The following MYO1H variants were observed in gnomAD, a reference collection of about 807,000 sequenced individuals.
MYO1H encodes unconventional myosin-Ih.
MYO1H carries 118 observed loss-of-function variants against 149.3 expected under a neutral mutation model. The observed-to-expected ratio is 0.79, with a 90% CI of 0.68 to 0.92. The LOEUF (loss-of-function observed/expected upper bound fraction) is 0.92, where lower values mean the gene tolerates loss of function less well. Among genes scored for constraint, MYO1H ranks in the 40% least tolerant of loss-of-function variants. The pLI, the probability that MYO1H is intolerant of heterozygous loss-of-function variation, is 0.00. For synonymous variants in MYO1H, 447 were observed against 465.2 expected, an observed-to-expected ratio of 0.96 and a Z score of 0.50; for missense variants, 1,212 against 1,280.7, an observed-to-expected ratio of 0.95 and a Z score of 0.82.
intron 15 of MYO1H, among the ~76,000 whole-genome samples, chr12:109,419,460 G>T (rs1871073370): frequency 6.6e-6 from 1 of 151,992 alleles, no homozygotes; most frequent in African/African-American, 2.4e-5. Context: ...ATTTGATTTT[G>T]GCTTTCTGTG....
intron 31 of MYO1H, 178 bp downstream of exon 31, chr12:109,445,790 C>G (rs1872455404): frequency 2.0e-6 from 2 of 985,280 alleles, no homozygotes; most frequent in Admixed American, 6.1e-5. Flanking sequence ...GAGATACACA[C>G]ATCTAAACAC....
At chr12:109,318,172 A>G in the MYO1H span, among the ~76,000 whole-genome samples, 1 of 152,242 alleles carries the variant, frequency 6.6e-6, no homozygotes, top group Admixed American at 6.5e-5. Context: ...CTGTGAGTAA[A>G]TGCTGATTAA....
chr12:109,411,750 C>G (rs1870684718), intron 13 of MYO1H, 144 bp from the exon 14 acceptor site: 7 of 548,676 alleles, frequency 1.3e-5, no homozygotes, highest in Non-Finnish European at 2.2e-5. Flanking sequence ...TTAAGCCCTT[C>G]TTCCCCCCAG....
At chr12:109,417,624 G>A (rs12581637) in intron 15 of MYO1H, among the ~76,000 whole-genome samples, 39,876 of 152,048 alleles carry the variant, frequency 0.26, 5,412 homozygotes, top group East Asian at 0.35. Flanking sequence ...ACCATGCCCC[G>A]CCTATATGTG....
chr12:109,442,339 TTCTCCATA>T, intron 27 of MYO1H, 67 bp downstream of exon 27: 1 of 1,452,300 alleles, frequency 6.9e-7, no homozygotes, highest in Non-Finnish European at 9.7e-7. Flanking sequence ...AGGGTCCCCT[TTCTCCATA>T]AAGGGCGCAC....
At chr12:109,390,661 T>C (rs950920446) in intron 2 of MYO1H, among the ~76,000 whole-genome samples, 1 of 150,992 alleles carries the variant, frequency 6.6e-6, no homozygotes, top group Non-Finnish European at 1.5e-5. Flanking sequence ...TTTTCTTGTT[T>C]GTTTGTTTTT....
At chr12:109,401,099 C>A (rs1369198344) in exon 6 of MYO1H, 1 of 1,613,488 alleles carries the variant, frequency 6.2e-7, no homozygotes, top group Non-Finnish European at 8.5e-7. Context: ...GAAGGGCATT[C>A]CCGTAGGTGG....
At chr12:109,407,959 T>C (rs760962894) in intron 10 of MYO1H, 46 bp downstream of exon 10, 58 of 1,572,666 alleles carry the variant, frequency 3.7e-5, no homozygotes, top group Non-Finnish European at 4.5e-5. Context: ...CACGTGGTGA[T>C]GTTTTATAAT....
At chr12:109,340,787 T>G in the MYO1H span, among the ~76,000 whole-genome samples, 4 of 152,364 alleles carry the variant, frequency 2.6e-5, no homozygotes, top group Non-Finnish European at 4.4e-5. Context: ...ATGATTTTTA[T>G]CAATATTGAT....
chr12:109,422,351 C>G (rs747020122), intron 16 of MYO1H, among the ~76,000 whole-genome samples: 9 of 152,156 alleles, frequency 5.9e-5, no homozygotes, highest in Non-Finnish European at 1.2e-4. Flanking sequence ...ACGAGCAACT[C>G]CTGACTTTGG....
At chr12:109,434,027 T>C (rs1362754326) in intron 20 of MYO1H, among the ~76,000 whole-genome samples, 2 of 152,176 alleles carry the variant, frequency 1.3e-5, no homozygotes, top group East Asian at 3.9e-4. Context: ...TATTTTTTTA[T>C]TTTTTGAGAC....
upstream of MYO1H, among the ~76,000 whole-genome samples, chr12:109,343,142 G>A (rs55764195): frequency 0.3 from 45,944 of 152,040 alleles, 7,495 homozygotes; most frequent in Middle Eastern, 0.4. Flanking sequence ...CTAGTCTAGT[G>A]TATAAAGTCG....
At chr12:109,324,909 C>A in the MYO1H span, among the ~76,000 whole-genome samples, 1 of 152,168 alleles carries the variant, frequency 6.6e-6, no homozygotes, top group African/African-American at 2.4e-5. Context: ...GTATGATGTT[C>A]CCCTCCCTGT....
At chr12:109,364,152 CAG>C (rs1269200220) in intron 1 of MYO1H, among the ~76,000 whole-genome samples, 3 of 108,100 alleles carry the variant, frequency 2.8e-5, no homozygotes, top group Non-Finnish European at 5.1e-5. Flanking sequence ...GACTGGGCAA[CAG>C]AGAGAGACCA....
At chr12:109,344,560 C>T (rs931266976), upstream of MYO1H, among the ~76,000 whole-genome samples, 22 of 152,174 alleles carry the variant, frequency 1.4e-4, no homozygotes, top group South Asian at 4.1e-4. Context: ...CAATACTCCC[C>T]AAATTGACCT....
the MYO1H span, among the ~76,000 whole-genome samples, chr12:109,320,744 A>G: frequency 6.6e-5 from 10 of 152,144 alleles, no homozygotes; most frequent in African/African-American, 2.4e-4. Context: ...CTGTAAAAGG[A>G]TTAATATCAA....
intron 14 of MYO1H, among the ~76,000 whole-genome samples, chr12:109,413,117 G>C (rs145005086): frequency 0.024 from 3,708 of 152,142 alleles, 137 homozygotes; most frequent in African/African-American, 0.084. Flanking sequence ...GGGACTACAG[G>C]TGTGCGCCAT....
chr12:109,398,934 A>G (rs1031345316), intron 5 of MYO1H, among the ~76,000 whole-genome samples: 32 of 152,070 alleles, frequency 2.1e-4, no homozygotes, highest in African/African-American at 7.2e-4. Context: ...GCCATGGACA[A>G]TGCGTAAGTG....
At chr12:109,431,920 C>T (rs890639434) in intron 19 of MYO1H, among the ~76,000 whole-genome samples, 6 of 151,406 alleles carry the variant, frequency 4.0e-5, no homozygotes, top group East Asian at 1.9e-4. Flanking sequence ...TGGACTCAAG[C>T]GATCCTCCTG....
Sources: gnomAD v4.1 joint callset for allele counts (sites outside exome capture counted in the v4.1 genomes callset) on GRCh38, gnomAD v4.1.1 for gene constraint, MANE v1.5 for transcripts, NCBI Gene and HGNC (gene_info 2026-07-23, HGNC 2026-07-21) for gene names.